UNCX: variants seen among roughly 807,000 people sequenced by gnomAD.
UNCX encodes the protein homeobox protein unc-4 homolog.
Under a neutral mutation model 14.8 loss-of-function variants are expected in UNCX, and 4 were observed. That is an observed-to-expected ratio of 0.27 (90% CI 0.13 to 0.62). The LOEUF is 0.62. Among genes scored for constraint, UNCX ranks in the 20% least tolerant of loss-of-function variants. The probability of loss-of-function intolerance (pLI) is 0.86; values close to 1 mark genes in which losing one functional copy is unlikely to be tolerated. For missense variants in UNCX, 749 were observed against 786.8 expected (o/e 0.95, Z 0.58); for synonymous variants, 459 against 395.8 (o/e 1.16, Z -1.90).
rs758410411 is a variant in UNCX at position 1,236,002 on chromosome 7, C to A, written c.621C>A (p.His207Gln). 1 of 1,608,524 alleles carries A rather than the reference C, an allele frequency of 6.2e-7. No homozygotes were observed. The highest frequency in any genetic ancestry group is 1.3e-5 in the African/African-American group (1 of 74,960). The change falls in exon 3 of 3, where the codon CAC becomes CAA. Residue 207 changes from histidine to glutamine, a missense_variant. Physicochemically the swap from His to Gln is conservative, Grantham distance 24. Transcript: ENST00000316333. This position sits in a 1 kb window ranked among gnomAD's most constrained non-coding sequence, Gnocchi z 6.9. ...LEKMEKKKRK[H>Q]EKKLLKSQGR... is the part of the protein sequence containing the mutation. ...AGATGGAGAAGAAGAAGCGCAAGCA[C>A]GAGAAGAAGCTGCTGAAGAGCCAGG...
chr7:1,236,519 C>A lies in UNCX; in HGVS notation c.1138C>A (p.Leu380Ile). The A allele has an allele frequency of 7.1e-7, 1 of 1,407,850 alleles. No homozygotes were observed. Among genetic ancestry groups the A allele is most frequent in the Non-Finnish European group, 9.3e-7 (1 of 1,075,014 alleles). 87.2% of individuals were successfully genotyped at this position (1,407,850 alleles called of 1,614,324 possible). A position where few individuals can be genotyped will look rare whatever the true frequency, so the allele number is the denominator to read the frequency against. ...RTLIGKGHFL[L>I]YPITQPLGFL... is the part of the protein sequence containing the mutation. ...CCTGATCGGCAAGGGCCACTTCCTC[C>A]TCTACCCCATCACGCAGCCGCTCGG... Residue 380 changes from leucine (L) to isoleucine (I), a missense_variant, in exon 3 of 3, where the codon CTC becomes ATC. Leu to Ile is a conservative substitution (Grantham distance 5). Around this residue, in one of 3 missense-constraint regions of UNCX, gnomAD observed 552 missense variants for 507.2 expected, o/e 1.09. Transcript: ENST00000316333. The surrounding 1 kb of genome is among the most constrained non-coding windows in gnomAD (Gnocchi z 6.9).
chr7:1,236,826 C>T lies in UNCX; in HGVS notation c.1445C>T (p.Ala482Val), dbSNP rs1778754136. The T allele has an allele frequency of 5.1e-6, 5 of 988,840 alleles. No individual in the cohort carries two copies. The highest frequency in any genetic ancestry group is 1.2e-4 in the Admixed American group (2 of 16,098). The allele number at this position is 988,840 out of a possible 1,614,324, so 61.3% of individuals were successfully genotyped here. The part of the protein sequence containing the change: ...GGGDCADAGT[A>V]GPAPPPPAPS... ...GGGGACTGCGCGGACGCGGGGACCG[C>T]CGGCCCCGCGCCCCCGCCGCCCGCG... Residue 482 changes from alanine (A) to valine (V), a missense_variant, in exon 3 of 3, where the codon GCC (alanine) becomes GTC (valine). This residue lies in a region of UNCX where 552 missense variants were observed against 507.2 expected (regional missense o/e 1.09). Transcript: ENST00000316333. The surrounding 1 kb of genome is among the most constrained non-coding windows in gnomAD (Gnocchi z 6.9).
In UNCX at chr7:1,236,483, G is replaced by A. The variant is rs1268045092; in HGVS notation, c.1102G>A (p.Ala368Thr). The A allele has an allele frequency of 7.2e-7, 1 of 1,387,344 alleles. No individual in the cohort carries two copies. The highest frequency in any genetic ancestry group is 9.4e-7 in the Non-Finnish European group (1 of 1,067,460). The allele number at this position is 1,387,344 out of a possible 1,614,324, so 85.9% of individuals were successfully genotyped here. ...GLDFAPGLPC[A>T]PRTLIGKGHF... ...GGACTTCGCGCCCGGGCTGCCGTGC[G>A]CGCCGCGGACCCTGATCGGCAAGGG... is the stretch of plus-strand genomic sequence containing the variant. Residue 368 changes from alanine (A) to threonine (T), a missense_variant, in exon 3 of 3, where the codon GCG becomes ACG. Transcript: ENST00000316333. The surrounding 1 kb of genome is among the most constrained non-coding windows in gnomAD (Gnocchi z 6.9).
chr7:1,234,943 C>T lies in UNCX; in HGVS notation c.451-889C>T, dbSNP rs182458395. Among the ~76,000 whole-genome samples, 842 of 152,176 alleles carry T rather than the reference C, an allele frequency of 5.5e-3. 5 individuals are homozygous for T. The highest frequency in any genetic ancestry group is 7.3e-3 in the Non-Finnish European group (497 of 67,988). ...CGCCCTCCTGGGGAGGGCAGGACTG[C>T]CCGAGCTTCCGCGGGGCTCAGACGG... On this transcript the variant is annotated intron_variant, in intron 2 of 2. Transcript: ENST00000316333.
At chr7:1,235,184 G>C (rs1562375336) in intron 2 of UNCX, among the ~76,000 whole-genome samples, 2 of 152,246 alleles carry the variant, frequency 1.3e-5, no homozygotes, top group Middle Eastern at 3.2e-3. Context: ...GGAAGGCTCC[G>C]TTGGCGCCCT....
At chr7:1,235,463 G>GGGGCCTTGCTTAGAACACGCTTAGAACA (rs1778720906) in intron 2 of UNCX, among the ~76,000 whole-genome samples, 1 of 152,252 alleles carries the variant, frequency 6.6e-6, no homozygotes, top group African/African-American at 2.4e-5. Context: ...CGAGCCGTGA[G>GGGGCCTTGCTTAGAACACGCTTAGAACA]CGGCCAGGAA....
chr7:1,236,881 C>T lies in UNCX; in HGVS notation c.1500C>T (p.Pro500=). 9.1e-7 allele frequency: 1 copy of T among 1,102,162 alleles called. No individual in the cohort carries two copies. 68.3% of individuals were successfully genotyped at this position (1,102,162 alleles called of 1,614,324 possible). The change falls in exon 3 of 3, where the codon CCC becomes CCT. Residue 500 remains proline (P), a synonymous_variant. Transcript: ENST00000316333. This position sits in a 1 kb window ranked among gnomAD's most constrained non-coding sequence, Gnocchi z 6.9. Reference sequence around the variant, plus strand: ...CGCCCAGGCCCGGCCCTCGGCCTCCCAGCCCCGCCGAGGAGCCGGCCACCT... The same window carrying T: ...CGCCCAGGCCCGGCCCTCGGCCTCCTAGCCCCGCCGAGGAGCCGGCCACCT... The part of the protein sequence containing the change: ...APSPRPGPRP[P]SPAEEPATCG...
chr7:1,233,287 G>C lies in UNCX; in HGVS notation c.270G>C (p.Leu90=). 1 of 1,323,992 alleles carries C rather than the reference G, an allele frequency of 7.6e-7. No individual in the cohort carries two copies. 82.0% of individuals were successfully genotyped at this position (1,323,992 alleles called of 1,614,324 possible). The part of the protein sequence containing the change: ...GVGGDGQPFK[L]SDSGDPDKES... ...GCGGGGACGGCCAGCCCTTCAAGCT[G>C]TCAGGTAGGCGCGGCGGGCGGGAGG... Residue 90 remains leucine (L), a synonymous_variant, in exon 1 of 3, where the codon CTG becomes CTC. Coordinates refer to ENST00000316333, the MANE Select transcript of UNCX (RefSeq NM_001080461.3). The surrounding 1 kb of genome is among the most constrained non-coding windows in gnomAD (Gnocchi z 5.3).
In UNCX at chr7:1,233,263, C is replaced by T. The variant is rs1269524328; in HGVS notation, c.246C>T (p.Gly82=). The T allele has an allele frequency of 9.9e-6, 13 of 1,318,898 alleles. No homozygotes were observed. Among genetic ancestry groups the T allele is most frequent in the Non-Finnish European group, 1.2e-5 (12 of 1,039,876 alleles). 81.7% of individuals were successfully genotyped at this position (1,318,898 alleles called of 1,614,324 possible). The part of the protein sequence containing the change: ...TPLLPAACGV[G]GDGQPFKLSD... ...TGCTGCCAGCCGCCTGCGGGGTCGG[C>T]GGGGACGGCCAGCCCTTCAAGCTGT... The change falls in exon 1 of 3, where the codon GGC becomes GGT. Residue 82 remains glycine (G), a synonymous_variant. Coordinates refer to ENST00000316333, the MANE Select transcript of UNCX (RefSeq NM_001080461.3). This position sits in a 1 kb window ranked among gnomAD's most constrained non-coding sequence, Gnocchi z 5.3.
chr7:1,236,593 G>C lies in UNCX; in HGVS notation c.1212G>C (p.Pro404=). 10 of 1,185,416 alleles carry C rather than the reference G, an allele frequency of 8.4e-6. No individual in the cohort carries two copies. The highest frequency in any genetic ancestry group is 2.8e-5 in the South Asian group (1 of 36,148). The allele number at this position is 1,185,416 out of a possible 1,614,324, so 73.4% of individuals were successfully genotyped here. The change falls in exon 3 of 3, where the codon CCG becomes CCC. Residue 404 remains proline (P), a synonymous_variant. Coordinates refer to ENST00000316333, the MANE Select transcript of UNCX (RefSeq NM_001080461.3). This position sits in a 1 kb window ranked among gnomAD's most constrained non-coding sequence, Gnocchi z 6.9. The part of the protein sequence containing the change: ...AALKGGAGLE[P]APKDAPPAPA... Reference sequence around the variant, plus strand: ...TCAAGGGCGGCGCGGGCCTGGAGCCGGCGCCCAAGGACGCGCCGCCCGCGC... The same window carrying C: ...TCAAGGGCGGCGCGGGCCTGGAGCCCGCGCCCAAGGACGCGCCGCCCGCGC...
chr7:1,234,575 T>C (rs935298197), intron 2 of UNCX, among the ~76,000 whole-genome samples: 4 of 151,172 alleles, frequency 2.6e-5, no homozygotes, highest in African/African-American at 9.7e-5. Context: ...ACCAATAGCT[T>C]TGTCTAAAAA....
Position 1,233,552 on chromosome 7 carries a change from T to C in UNCX, c.307T>C (p.Cys103Arg). 3 of 1,612,582 alleles carry C rather than the reference T, an allele frequency of 1.9e-6. No homozygotes were observed. Among genetic ancestry groups the C allele is most frequent in the Non-Finnish European group, 2.5e-6 (3 of 1,179,768 alleles). Residue 103 changes from cysteine to arginine, a missense_variant, in exon 2 of 3, where the codon TGC becomes CGC. Transcript: ENST00000316333. This position sits in a 1 kb window ranked among gnomAD's most constrained non-coding sequence, Gnocchi z 5.3. ...SGDPDKESPG[C>R]KRRRTRTNFT... ...GGACCCGGACAAGGAGAGCCCGGGCTGCAAGCGGCGGCGCACCCGCACCAA... is the reference window on the plus strand; with the variant it reads ...GGACCCGGACAAGGAGAGCCCGGGCCGCAAGCGGCGGCGCACCCGCACCAA...
intron 2 of UNCX, 44 bp from the exon 3 acceptor site, chr7:1,235,788 C>G: frequency 1.3e-6 from 2 of 1,566,960 alleles, no homozygotes; most frequent in East Asian, 2.3e-5. Flanking sequence ...GCGGCCAGCC[C>G]GCCGCCTGAT....
Position 1,233,495 on chromosome 7 carries a change from C to T in UNCX, c.275-25C>T, listed in dbSNP as rs1358090666. On this transcript the variant is annotated intron_variant, in intron 1 of 2. Coordinates refer to ENST00000316333, the MANE Select transcript of UNCX (RefSeq NM_001080461.3). This position sits in a 1 kb window ranked among gnomAD's most constrained non-coding sequence, Gnocchi z 5.3. ...CGGGCCTGGGCCGGTGGCTGAGCCG[C>T]GCTGCGTCCTGTGACTGCCCGCAGA... 1.3e-6 allele frequency: 2 copies of T among 1,592,298 alleles called. No homozygotes were observed. Among genetic ancestry groups the T allele is most frequent in the Non-Finnish European group, 1.7e-6 (2 of 1,172,684 alleles).
chr7:1,233,330 T>C lies in UNCX; in HGVS notation c.274+39T>C, dbSNP rs2128272284. 1 of 1,291,236 alleles carries C rather than the reference T, an allele frequency of 7.7e-7. No individual in the cohort carries two copies. Among genetic ancestry groups the C allele is most frequent in the African/African-American group, 1.7e-5 (1 of 59,480 alleles). The allele number at this position is 1,291,236 out of a possible 1,614,324, so 80.0% of individuals were successfully genotyped here. A position where few individuals can be genotyped will look rare whatever the true frequency, so the allele number is the denominator to read the frequency against. On this transcript the variant is annotated intron_variant, in intron 1 of 2. Coordinates refer to ENST00000316333, the MANE Select transcript of UNCX (RefSeq NM_001080461.3). This position sits in a 1 kb window ranked among gnomAD's most constrained non-coding sequence, Gnocchi z 5.3. ...GCGGGAGGGCGGGGAGGAGTGCGGC[T>C]GGGGGCGGGGGCCCTGGTCCGGCCG...
chr7:1,233,239 G>A lies in UNCX; in HGVS notation c.222G>A (p.Leu74=), dbSNP rs1778677238. The A allele has an allele frequency of 2.2e-6, 3 of 1,381,514 alleles. No individual in the cohort carries two copies. In the African/African-American group the frequency reaches 4.6e-5, roughly 21 times the overall value. 85.6% of individuals were successfully genotyped at this position (1,381,514 alleles called of 1,614,324 possible). Residue 74 remains leucine, a synonymous_variant, in exon 1 of 3, where the codon CTG becomes CTA. Coordinates refer to ENST00000316333, the MANE Select transcript of UNCX (RefSeq NM_001080461.3). The surrounding 1 kb of genome is among the most constrained non-coding windows in gnomAD (Gnocchi z 5.3). Reference sequence around the variant, plus strand: ...CCTCGGTGGTCAACCCCACGCCGCTGCTGCCAGCCGCCTGCGGGGTCGGCG... The same window carrying A: ...CCTCGGTGGTCAACCCCACGCCGCTACTGCCAGCCGCCTGCGGGGTCGGCG... ...AAASVVNPTP[L]LPAACGVGGD...
In UNCX at chr7:1,236,955, G is replaced by T; in HGVS notation, c.1574G>T (p.Gly525Val). 2.5e-6 allele frequency: 3 copies of T among 1,199,830 alleles called. No individual in the cohort carries two copies. The South Asian group carries it at 1.1e-4, about 45-fold the overall frequency. 74.3% of individuals were successfully genotyped at this position (1,199,830 alleles called of 1,614,324 possible). ...GCGGCCGGACCCAGCCCGCCGGAGG[G>T]CGAGGAGCTGGACATGGACTGAGGC... The part of the protein sequence containing the change: ...GAAAGPSPPE[G>V]EELDMD Residue 525 changes from glycine (G) to valine (V), a missense_variant, in exon 3 of 3, where the codon GGC becomes GTC. Coordinates refer to ENST00000316333, the MANE Select transcript of UNCX (RefSeq NM_001080461.3). This position sits in a 1 kb window ranked among gnomAD's most constrained non-coding sequence, Gnocchi z 6.9.
rs565722289 is a variant in UNCX, at chr7:1,236,031, G to T, written c.650G>T (p.Arg217Leu). Residue 217 changes from arginine (R) to leucine (L), a missense_variant, in exon 3 of 3, where the codon CGC (arginine) becomes CTC (leucine). Arg to Leu is a moderately radical substitution (Grantham distance 102, BLOSUM62 -2). Coordinates refer to ENST00000316333, the MANE Select transcript of UNCX (RefSeq NM_001080461.3). The surrounding 1 kb of genome is among the most constrained non-coding windows in gnomAD (Gnocchi z 6.9). ...AAGAAGCTGCTGAAGAGCCAGGGCCGCCACTTGCACTCGCCCGGCGGCCTG... is the reference window on the plus strand; with the variant it reads ...AAGAAGCTGCTGAAGAGCCAGGGCCTCCACTTGCACTCGCCCGGCGGCCTG... ...HEKKLLKSQGRHLHSPGGLSL... is the reference protein window; with the variant it reads ...HEKKLLKSQGLHLHSPGGLSL... 4 of 1,605,472 alleles carry T rather than the reference G, an allele frequency of 2.5e-6. No homozygotes were observed.
At chr7:1,235,728 C>A (rs1778725933) in intron 2 of UNCX, 104 bp from the exon 3 acceptor site, 20 of 1,059,698 alleles carry the variant, frequency 1.9e-5, no homozygotes, top group Admixed American at 2.8e-5. Context: ...CCCGGCCGAG[C>A]GGAGGTTGTG....
Sources: gnomAD v4.1 joint callset for allele counts (sites outside exome capture counted in the v4.1 genomes callset) on GRCh38, gnomAD v4.1.1 for gene constraint, gnomAD v4.1.1 regional missense constraint, Gnocchi (gnomAD v3.1) non-coding constraint, MANE v1.5 for transcripts, NCBI Gene and HGNC (gene_info 2026-07-23, HGNC 2026-07-21) for gene names.